The following ECE1 variants were observed in gnomAD, a reference collection of about 807,000 sequenced individuals.
ECE1 encodes endothelin converting enzyme 1, also known as endothelin-converting enzyme 1.
Under a neutral mutation model 98.6 loss-of-function variants are expected in ECE1, and 35 were observed. The observed-to-expected ratio is 0.35, with a 90% CI of 0.27 to 0.47. ECE1 has a LOEUF of 0.47. ECE1 is among the 20% of genes least tolerant of loss of function. The probability of loss-of-function intolerance (pLI) is 1.00; values close to 1 mark genes in which losing one functional copy is unlikely to be tolerated. For missense variants in ECE1, 814 were observed against 1,025.3 expected, an observed-to-expected ratio of 0.79 and a Z score of 2.81; for synonymous variants, 394 against 407.1, an observed-to-expected ratio of 0.97 and a Z score of 0.39.
intron 2 of ECE1, among the ~76,000 whole-genome samples, chr1:21,283,455 G>A (rs529728102): frequency 4.3e-4 from 66 of 152,086 alleles, no homozygotes; most frequent in Non-Finnish European, 8.1e-4. Context: ...ATTTTTAGTA[G>A]AGACAGGGTT....
Position 21,285,709 on chromosome 1 carries a change from A to AAG in ECE1, c.138+4360_138+4361insCT, listed in dbSNP as rs397979521. Reference sequence around the variant, plus strand: ...TGCCTCAAAAAAAAAAAAAAAAAAAAGGCTGGGCACAGTGGCTCATGCCTG... The same window carrying AAG: ...TGCCTCAAAAAAAAAAAAAAAAAAAAAGGGCTGGGCACAGTGGCTCATGCCTG... On this transcript the variant is annotated intron_variant, in intron 2 of 18. Transcript: ENST00000374893. 1.8e-3 allele frequency among the ~76,000 whole-genome samples: 271 copies of AAG among 149,272 alleles called. 1 individual carries two copies. The highest frequency in any genetic ancestry group is 6.2e-3 in the African/African-American group (249 of 40,154).
At chr1:21,343,718 C>T (rs765604028) in intron 1 of ECE1, among the ~76,000 whole-genome samples, 5 of 152,144 alleles carry the variant, frequency 3.3e-5, no homozygotes, top group Non-Finnish European at 7.3e-5. Context: ...ATTGGTGTGA[C>T]GTCAAAGCCT....
At chr1:21,281,857 C>T (rs212545) in intron 2 of ECE1, among the ~76,000 whole-genome samples, 62,414 of 152,068 alleles carry the variant, frequency 0.41, 15,354 homozygotes, top group African/African-American at 0.7. Context: ...CTACCACGCC[C>T]GGCTAATTTT....
chr1:21,304,446 C>T (rs1638554496), intron 1 of ECE1, among the ~76,000 whole-genome samples: 1 of 152,094 alleles, frequency 6.6e-6, no homozygotes, highest in Non-Finnish European at 1.5e-5. Context: ...CACAGCCCAC[C>T]CCAACCCCTT....
chr1:21,256,510 T>C (rs115071), intron 7 of ECE1, among the ~76,000 whole-genome samples: 101,255 of 151,650 alleles, frequency 0.67, 34,492 homozygotes, highest in African/African-American at 0.8. Context: ...GAGCCCAGAT[T>C]GTGCGCCATG....
intron 1 of ECE1, among the ~76,000 whole-genome samples, chr1:21,305,122 A>C (rs1569716380): frequency 6.6e-6 from 1 of 152,246 alleles, no homozygotes; most frequent in East Asian, 1.9e-4. Context: ...GAAAAATTCA[A>C]CCCTCCTTTG....
chr1:21,328,590 T>C lies in ECE1; in HGVS notation c.3+16786A>G, dbSNP rs181225242. On this transcript the variant is annotated intron_variant, in intron 1 of 18. Coordinates refer to the ECE1 transcript ENST00000415912. ...CAGCCTGGCCAACATGGTGAAACCA[T>C]GTCTCTACTAAGAATACAAAAAATT... is the stretch of plus-strand genomic sequence containing the variant. Among the ~76,000 whole-genome samples, 747 of 152,132 alleles carry C rather than the reference T, an allele frequency of 4.9e-3. 6 individuals carry two copies. The highest frequency in any genetic ancestry group is 0.016 in the African/African-American group (670 of 41,502).
At chr1:21,271,857 C>T (rs1185489927) in intron 4 of ECE1, among the ~76,000 whole-genome samples, 2 of 151,986 alleles carry the variant, frequency 1.3e-5, no homozygotes, top group Admixed American at 6.6e-5. Flanking sequence ...GCCCGATCAC[C>T]GTGAGGCTAA....
rs2098187478 is a variant in ECE1 at position 21,235,967 on chromosome 1, T to G, written c.1489-40A>C. ...CAGAGGAAGTGAGTGCCCGGCAACA[T>G]CGACCAGGCCAGCCTGAGCAACTTG... On this transcript the variant is annotated intron_variant, in intron 12 of 18. Coordinates refer to ENST00000374893, the MANE Select transcript of ECE1 (RefSeq NM_001397.3). This position sits in a 1 kb window ranked among gnomAD's most constrained non-coding sequence, Gnocchi z 4.2. The G allele has an allele frequency of 1.3e-6, 2 of 1,597,778 alleles. No homozygotes were observed. Among genetic ancestry groups the G allele is most frequent in the Non-Finnish European group, 1.7e-6 (2 of 1,165,338 alleles).
At chr1:21,296,472 C>T (rs1431027819) in intron 1 of ECE1, among the ~76,000 whole-genome samples, 1 of 152,096 alleles carries the variant, frequency 6.6e-6, no homozygotes, top group African/African-American at 2.4e-5. Flanking sequence ...GAGATCACGC[C>T]ACTGCACTCT....
intron 1 of ECE1, among the ~76,000 whole-genome samples, chr1:21,302,018 C>T (rs752533911): frequency 6.6e-6 from 1 of 152,112 alleles, no homozygotes; most frequent in Non-Finnish European, 1.5e-5. Context: ...GCCAGGCTCA[C>T]TAGGCTCCCC....
rs1163451316 is a variant in ECE1 at position 21,336,205 on chromosome 1, C to T, written c.3+9171G>A. On this transcript the variant is annotated intron_variant, in intron 1 of 18. Transcript: ENST00000415912. The stretch of plus-strand genomic sequence containing the variant: ...ATACCAGCCTTGGCAACTAGTGAGA[C>T]CTTGTCTCTACAAAAAAATATCAGA... 2.6e-5 allele frequency among the ~76,000 whole-genome samples: 4 copies of T among 152,090 alleles called. No homozygotes were observed. In the East Asian group the frequency reaches 7.7e-4, roughly 29 times the overall value.
At chr1:21,310,308 AG>A (rs755350510) in intron 1 of ECE1, among the ~76,000 whole-genome samples, 1 of 152,292 alleles carries the variant, frequency 6.6e-6, no homozygotes, top group Non-Finnish European at 1.5e-5. Flanking sequence ...GAATTCGGCC[AG>A]GCTTACCTTG....
At chr1:21,279,410 G>A in intron 2 of ECE1, 78 bp from the exon 3 acceptor site, 2 of 1,609,364 alleles carry the variant, frequency 1.2e-6, no homozygotes, top group Non-Finnish European at 1.7e-6. Context: ...GGGTTCCGCT[G>A]CAGGCCCAGG....
intron 11 of ECE1, 79 bp downstream of exon 11, chr1:21,238,055 C>A: frequency 7.5e-7 from 1 of 1,341,708 alleles, no homozygotes; most frequent in South Asian, 1.2e-5. Context: ...CCAGGGTGGG[C>A]TGGAGTGTGA....
Position 21,225,474 on chromosome 1 carries a change from G to A in ECE1, c.1850-34C>T. The A allele has an allele frequency of 6.2e-7, 1 of 1,609,834 alleles. No individual in the cohort carries two copies. Among genetic ancestry groups the A allele is most frequent in the East Asian group, 2.2e-5 (1 of 44,570 alleles). On this transcript the variant is annotated intron_variant, in intron 16 of 18. Transcript: ENST00000374893. The surrounding 1 kb of genome is among the most constrained non-coding windows in gnomAD (Gnocchi z 5.3). ...CAGAGGGAGGCGTCATGTCAAGGGA[G>A]GGAGGGGCACAGCAGGGACCTGCTG...
chr1:21,299,387 G>A (rs1027847044), intron 1 of ECE1: 1 of 153,578 alleles, frequency 6.5e-6, no homozygotes, highest in Non-Finnish European at 1.5e-5. Context: ...TGAGAAAACA[G>A]GCTCAGAGAA....
Position 21,336,998 on chromosome 1 carries a change from T to C in ECE1, c.3+8378A>G, listed in dbSNP as rs118084448. ...CTTGCAGTGAGCCGAGACTGCACCA[T>C]TGCACTCCAGCCTGGGCAACAAGAG... On this transcript the variant is annotated intron_variant, in intron 1 of 18. Coordinates refer to the ECE1 transcript ENST00000415912. Among the ~76,000 whole-genome samples the C allele has an allele frequency of 4.7e-3, 707 of 151,918 alleles. 25 individuals are homozygous for C. In the East Asian group the frequency reaches 0.06, roughly 13 times the overall value.
chr1:21,326,956 G>T (rs1639093480), intron 1 of ECE1, among the ~76,000 whole-genome samples: 1 of 152,190 alleles, frequency 6.6e-6, no homozygotes, highest in Admixed American at 6.5e-5. Context: ...TTGCACAGTG[G>T]CTCTGGCCCC....
Sources: gnomAD v4.1 joint callset for allele counts (sites outside exome capture counted in the v4.1 genomes callset) on GRCh38, gnomAD v4.1.1 for gene constraint, Gnocchi (gnomAD v3.1) non-coding constraint, MANE v1.5 for transcripts, NCBI Gene and HGNC (gene_info 2026-07-23, HGNC 2026-07-21) for gene names.